The following LCK variants were observed in gnomAD, a reference collection of about 807,000 sequenced individuals.
LCK encodes LCK proto-oncogene, Src family tyrosine kinase.
In LCK, 14 loss-of-function variants were observed where a neutral mutation model predicts 64.6. The ratio of observed to expected loss-of-function variants is 0.22; its 90% CI spans 0.14 to 0.34. The LOEUF is 0.34. Ranked by LOEUF, LCK falls within the 10% of genes least tolerant of loss-of-function variation. The pLI is 1.00. For synonymous variants in LCK, 277 were observed against 263.6 expected, an observed-to-expected ratio of 1.05 and a Z score of -0.49; for missense variants, 434 against 668.1, an observed-to-expected ratio of 0.65 and a Z score of 3.86.
chr1:32,276,018 C>A lies in LCK; in HGVS notation c.586C>A (p.Arg196=). 6.2e-7 allele frequency: 1 copy of A among 1,614,118 alleles called. No homozygotes were observed. Among genetic ancestry groups the A allele is most frequent in the East Asian group, 2.2e-5 (1 of 44,886 alleles). ...CAACGGTGGCTTCTACATCTCCCCT[C>A]GAATCACTTTTCCCGGCCTGCATGA... ...LDNGGFYISP[R]ITFPGLHELV... is the part of the protein sequence containing the mutation. The change falls in exon 7 of 13, where the codon CGA becomes AGA. Residue 196 remains arginine (R), a synonymous_variant. Coordinates refer to ENST00000336890, the MANE Select transcript of LCK (RefSeq NM_005356.5). The surrounding 1 kb of genome is among the most constrained non-coding windows in gnomAD (Gnocchi z 4.6).
Position 32,275,842 on chromosome 1 carries a change from A to G in LCK, c.482-72A>G, listed in dbSNP as rs1381096962. ...GAGTTGGGGGTGCTGGGTGAGCCCA[A>G]GGTGGGGGCGCGGTGGCGGGCCAGA... On this transcript the variant is annotated intron_variant, in intron 6 of 12. Transcript: ENST00000336890. This position sits in a 1 kb window ranked among gnomAD's most constrained non-coding sequence, Gnocchi z 6.9. 6.4e-7 allele frequency: 1 copy of G among 1,557,900 alleles called. No homozygotes were observed. Among genetic ancestry groups the G allele is most frequent in the Non-Finnish European group, 8.7e-7 (1 of 1,152,026 alleles).
In LCK at chr1:32,275,647, C is replaced by T; in HGVS notation, c.456C>T (p.Leu152=). 6.4e-7 allele frequency: 1 copy of T among 1,568,478 alleles called. No individual in the cohort carries two copies. The highest frequency in any genetic ancestry group is 8.6e-7 in the Non-Finnish European group (1 of 1,157,850). Residue 152 remains leucine, a synonymous_variant, in exon 6 of 13, where the codon CTC becomes CTT. Coordinates refer to ENST00000336890, the MANE Select transcript of LCK (RefSeq NM_005356.5). The surrounding 1 kb of genome is among the most constrained non-coding windows in gnomAD (Gnocchi z 6.9). ...LAPGNTHGSF[L]IRESESTAGS... ...CCGGGAACACTCACGGCTCCTTCCT[C>T]ATCCGGGAGAGCGAGAGCACCGCGG...
intron 1 of LCK, among the ~76,000 whole-genome samples, chr1:32,262,608 G>A (rs1251180956): frequency 1.3e-5 from 2 of 151,226 alleles, no homozygotes; most frequent in African/African-American, 2.4e-5. Context: ...ATTTTTAGTA[G>A]AGACGGGGTT....
At chr1:32,281,571 C>A (rs1640461250) in intron 12 of LCK, among the ~76,000 whole-genome samples, 1 of 152,124 alleles carries the variant, frequency 6.6e-6, no homozygotes, top group South Asian at 2.1e-4. Flanking sequence ...CCCACCATCT[C>A]CTGGACAAAG....
intron 1 of LCK, among the ~76,000 whole-genome samples, chr1:32,252,661 G>A (rs1414703698): frequency 6.6e-6 from 1 of 152,140 alleles, no homozygotes; most frequent in East Asian, 1.9e-4. Context: ...ATCAGACAGG[G>A]TCCCTTGCTC....
At chr1:32,270,035 T>C (rs879589911) in intron 1 of LCK, among the ~76,000 whole-genome samples, 7 of 152,292 alleles carry the variant, frequency 4.6e-5, no homozygotes, top group Admixed American at 4.6e-4. Context: ...GACAGTCTTC[T>C]GAGTTTTGCT....
In LCK at chr1:32,275,750, G is replaced by A; in HGVS notation, c.481+78G>A. 1 of 1,428,208 alleles carries A rather than the reference G, an allele frequency of 7.0e-7. No homozygotes were observed. The highest frequency in any genetic ancestry group is 9.5e-7 in the Non-Finnish European group (1 of 1,051,112). 88.5% of individuals were successfully genotyped at this position (1,428,208 alleles called of 1,614,324 possible). On this transcript the variant is annotated intron_variant, in intron 6 of 12. Coordinates refer to ENST00000336890, the MANE Select transcript of LCK (RefSeq NM_005356.5). The surrounding 1 kb of genome is among the most constrained non-coding windows in gnomAD (Gnocchi z 6.9). Reference sequence around the variant, plus strand: ...AGGGGGGGCGCAGGGTGAGCCCGAGGTGGAGACACGGGGTGAGTCGGAGGG... The same window carrying A: ...AGGGGGGGCGCAGGGTGAGCCCGAGATGGAGACACGGGGTGAGTCGGAGGG...
At chr1:32,274,520 T>A (rs1175589429) in intron 2 of LCK, 86 bp downstream of exon 2, 4 of 1,161,312 alleles carry the variant, frequency 3.4e-6, no homozygotes, top group Non-Finnish European at 4.9e-6. Context: ...TACAGGCCCT[T>A]GAAAGAATAG....
At chr1:32,266,303 T>C (rs1174496234) in intron 1 of LCK, among the ~76,000 whole-genome samples, 2 of 149,284 alleles carry the variant, frequency 1.3e-5, no homozygotes, top group African/African-American at 5.0e-5. Context: ...CCATCCTGGC[T>C]AACATGGTGA....
chr1:32,270,989 A>G (rs904136857), intron 1 of LCK, among the ~76,000 whole-genome samples: 2 of 141,580 alleles, frequency 1.4e-5, no homozygotes, highest in South Asian at 2.2e-4. Flanking sequence ...GGTGTGAGCC[A>G]CCGCGCCTGG....
chr1:32,261,952 GAAAAA>G (rs934560000), intron 1 of LCK, among the ~76,000 whole-genome samples: 1 of 40,116 alleles, frequency 2.5e-5, no homozygotes, highest in African/African-American at 7.9e-5. Flanking sequence ...GACTCTGTCA[GAAAAA>G]AAAAAAAAAA....
intron 1 of LCK, among the ~76,000 whole-genome samples, chr1:32,261,952 GAA>G (rs934560000): frequency 3.2e-4 from 13 of 40,114 alleles, no homozygotes; most frequent in African/African-American, 9.5e-4. Flanking sequence ...GACTCTGTCA[GAA>G]AAAAAAAAAA....
At position 32,285,510 on chromosome 1, in the gene LCK, G is replaced by A. The variant is rs950290889; in HGVS notation, c.1328-4G>A. ...TTGATGTCCTTTCACCCATCAACCC[G>A]TAGGGATGACCAACCCGGAGGTGAT... On this transcript the variant is annotated splice_polypyrimidine_tract_variant and splice_region_variant and intron_variant, in intron 12 of 12. Coordinates refer to ENST00000336890, the MANE Select transcript of LCK (RefSeq NM_005356.5). The A allele has an allele frequency of 3.0e-5, 48 of 1,613,836 alleles. No homozygotes were observed. The highest frequency in any genetic ancestry group is 1.6e-4 in the Middle Eastern group (1 of 6,080).
At chr1:32,279,230 C>G (rs1640375347) in intron 9 of LCK, among the ~76,000 whole-genome samples, 1 of 152,122 alleles carries the variant, frequency 6.6e-6, no homozygotes, top group Non-Finnish European at 1.5e-5. Flanking sequence ...GGCAGTCTAG[C>G]AGGGCCACGA....
intron 1 of LCK, among the ~76,000 whole-genome samples, chr1:32,258,536 C>T (rs1458022231): frequency 6.7e-6 from 1 of 148,956 alleles, no homozygotes; most frequent in African/African-American, 2.5e-5. Context: ...AATCCCAGCA[C>T]TTTGGGAGGC....
chr1:32,257,488 G>T (rs114562298), intron 1 of LCK, among the ~76,000 whole-genome samples: 2 of 151,958 alleles, frequency 1.3e-5, no homozygotes, highest in East Asian at 1.9e-4. Flanking sequence ...CTGGGCTCAC[G>T]TATCTGTCTG....
chr1:32,255,718 C>T (rs758206349), intron 1 of LCK, among the ~76,000 whole-genome samples: 1 of 152,086 alleles, frequency 6.6e-6, no homozygotes, highest in Non-Finnish European at 1.5e-5. Flanking sequence ...GGGCCAAATG[C>T]ATGGGACGCT....
rs1404547164 is a variant in LCK, at chr1:32,274,783, A to T, written c.152A>T (p.Tyr51Phe). ...GAGGTGCGGGACCCACTGGTTACCT[A>T]CGAAGGCTCCAATCCGCCGGCTTCC... is the stretch of plus-strand genomic sequence containing the variant. ...GSEVRDPLVT[Y>F]EGSNPPASPL... Residue 51 changes from tyrosine to phenylalanine, a missense_variant, in exon 3 of 13, where the codon TAC (tyrosine) becomes TTC (phenylalanine). This residue lies in a region of LCK where 233 missense variants were observed against 291.2 expected (regional missense o/e 0.80). Coordinates refer to ENST00000336890, the MANE Select transcript of LCK (RefSeq NM_005356.5). 2.5e-6 allele frequency: 4 copies of T among 1,612,790 alleles called. No homozygotes were observed. The South Asian group carries it at 3.3e-5, about 13-fold the overall frequency.
chr1:32,266,305 A>T (rs1639905740), intron 1 of LCK, among the ~76,000 whole-genome samples: 1 of 151,046 alleles, frequency 6.6e-6, no homozygotes, highest in Admixed American at 6.6e-5. Context: ...ATCCTGGCTA[A>T]CATGGTGAAA....
Sources: allele counts gnomAD v4.1 joint callset (sites outside exome capture counted in the v4.1 genomes callset), GRCh38; gene constraint gnomAD v4.1.1; regional missense constraint gnomAD v4.1.1; non-coding constraint Gnocchi (gnomAD v3.1); transcripts MANE v1.5; gene names NCBI Gene and HGNC (gene_info 2026-07-23, HGNC 2026-07-21).